Variants in GRM5 observed in about 807,000 individuals in gnomAD.
GRM5 encodes the protein glutamate metabotropic receptor 5, also known as metabotropic glutamate receptor 5.
A neutral mutation model predicts 83.1 loss-of-function variants in GRM5; 19 were observed. The observed-to-expected ratio is 0.23, with a 90% confidence interval of 0.16 to 0.34. GRM5 has a LOEUF of 0.34. Among genes scored for constraint, GRM5 ranks in the 10% least tolerant of loss-of-function variants. The pLI is 1.00. For missense variants in GRM5, 1,160 were observed against 1,588.3 expected (o/e 0.73, Z 4.58); for synonymous variants, 675 against 633.6 (o/e 1.07, Z -0.98).
intron 3 of GRM5, among the ~76,000 whole-genome samples, chr11:88,827,512 C>T (rs114491404): frequency 1.1e-4 from 17 of 152,330 alleles, no homozygotes; most frequent in African/African-American, 1.9e-4. Flanking sequence ...CCCCTGCTTA[C>T]GCCATTTTCA....
chr11:89,018,129 T>A (rs1940903264), intron 2 of GRM5, among the ~76,000 whole-genome samples: 1 of 152,162 alleles, frequency 6.6e-6, no homozygotes, highest in African/African-American at 2.4e-5. Flanking sequence ...GGCACATAAT[T>A]ATCTAATAAA....
chr11:88,839,585 C>G (rs536057550), intron 3 of GRM5, among the ~76,000 whole-genome samples: 94 of 152,192 alleles, frequency 6.2e-4, no homozygotes, highest in Non-Finnish European at 8.2e-4. Context: ...ATTTTGTTCA[C>G]CACTTAAACT....
At chr11:88,844,900 G>A (rs1944270898) in intron 3 of GRM5, among the ~76,000 whole-genome samples, 1 of 152,218 alleles carries the variant, frequency 6.6e-6, no homozygotes, top group African/African-American at 2.4e-5. Context: ...ATCTTAAATG[G>A]ATGAGGAATT....
Position 88,850,003 on chromosome 11 carries a change from G to A in GRM5, c.814C>T (p.Arg272Trp), listed in dbSNP as rs201502618. 1 of 1,613,472 alleles carries A rather than the reference G, an allele frequency of 6.2e-7. No homozygotes were observed. Among genetic ancestry groups the A allele is most frequent in the South Asian group, 1.1e-5 (1 of 91,066 alleles). ...CCCTCACAGAAGCAGGCCACCACCC[G>A]GGCCTTGGGCAAGTGACTTGTGAGC... ...KKLTSHLPKA[R>W]VVACFCEGMT... The change falls in exon 3 of 10, where the codon CGG becomes TGG. Residue 272 changes from arginine to tryptophan, a missense_variant. Physicochemically the swap from Arg to Trp is moderately radical, Grantham distance 101. Transcript: ENST00000305447.
At chr11:88,981,202 T>C (rs1445418342) in intron 2 of GRM5, among the ~76,000 whole-genome samples, 1 of 152,198 alleles carries the variant, frequency 6.6e-6, no homozygotes, top group Non-Finnish European at 1.5e-5. Context: ...TTCTATGCCA[T>C]ACACTTTGTT....
In GRM5 at chr11:88,962,491, T is replaced by C. The variant is rs375512177; in HGVS notation, c.661+84721A>G. On this transcript the variant is annotated intron_variant, in intron 2 of 9. Transcript: ENST00000305447. ...ATTTATTCCCTAACATATCTGTATATTGAAACCATTACCAATCTGTTGATT... is the reference window on the plus strand; with the variant it reads ...ATTTATTCCCTAACATATCTGTATACTGAAACCATTACCAATCTGTTGATT... 1.5e-4 allele frequency among the ~76,000 whole-genome samples: 23 copies of C among 152,330 alleles called. No individual in the cohort carries two copies. In the East Asian group the frequency reaches 4.0e-3, roughly 27 times the overall value.
At chr11:88,770,935 C>T (rs1378748274) in intron 3 of GRM5, among the ~76,000 whole-genome samples, 1 of 152,104 alleles carries the variant, frequency 6.6e-6, no homozygotes, top group East Asian at 1.9e-4. Flanking sequence ...TATTGCCACT[C>T]AGCAGTAGCC....
chr11:88,741,617 A>G (rs560640492), intron 3 of GRM5, among the ~76,000 whole-genome samples: 1 of 152,240 alleles, frequency 6.6e-6, no homozygotes, highest in South Asian at 2.1e-4. Flanking sequence ...GACATAATCT[A>G]TACTATAGTA....
At chr11:89,012,178 AGAG>A (rs139199600) in intron 2 of GRM5, among the ~76,000 whole-genome samples, 3,475 of 152,320 alleles carry the variant, frequency 0.023, 129 homozygotes, top group African/African-American at 0.079. Context: ...ATCGACAATC[AGAG>A]GAGAAGACAT....
chr11:88,692,632 T>C (rs1940808089), intron 3 of GRM5, among the ~76,000 whole-genome samples: 1 of 152,206 alleles, frequency 6.6e-6, no homozygotes, highest in African/African-American at 2.4e-5. Flanking sequence ...TCAGAAAAAC[T>C]GTCATGTTCA....
At chr11:88,719,677 C>T (rs1941487921) in intron 3 of GRM5, among the ~76,000 whole-genome samples, 1 of 152,022 alleles carries the variant, frequency 6.6e-6, no homozygotes, top group African/African-American at 2.4e-5. Context: ...TTTACACTCC[C>T]ACCAACAGTG....
chr11:88,636,033 CTTAG>C (rs1939110154), intron 4 of GRM5, among the ~76,000 whole-genome samples: 1 of 152,136 alleles, frequency 6.6e-6, no homozygotes. Flanking sequence ...CTCACTAGAA[CTTAG>C]TTTGTAAACA....
chr11:88,628,214 A>G (rs1259645088), intron 4 of GRM5, among the ~76,000 whole-genome samples: 4 of 152,286 alleles, frequency 2.6e-5, no homozygotes, highest in Middle Eastern at 3.4e-3. Context: ...GTCACATTTC[A>G]ACTATTTTCT....
At chr11:88,760,327 CT>C (rs1240555594) in intron 3 of GRM5, among the ~76,000 whole-genome samples, 2 of 67,876 alleles carry the variant, frequency 2.9e-5, no homozygotes, top group Admixed American at 1.4e-4. Flanking sequence ...GCTAGCTAGA[CT>C]AATAAAGAGA....
chr11:88,622,927 T>G (rs1196998828), intron 4 of GRM5, among the ~76,000 whole-genome samples: 1 of 152,176 alleles, frequency 6.6e-6, no homozygotes, highest in African/African-American at 2.4e-5. Flanking sequence ...TTATTGGATT[T>G]TTGTTAAAAG....
intron 2 of GRM5, among the ~76,000 whole-genome samples, chr11:88,923,494 T>G (rs1945728972): frequency 6.6e-6 from 1 of 152,136 alleles, no homozygotes; most frequent in African/African-American, 2.4e-5. Context: ...GGCAAAAAAT[T>G]GAAATAATTG....
intron 8 of GRM5, among the ~76,000 whole-genome samples, chr11:88,559,060 A>G (rs1164158759): frequency 6.6e-6 from 1 of 152,108 alleles, no homozygotes; most frequent in Non-Finnish European, 1.5e-5. Flanking sequence ...ATTATACATA[A>G]TAAAAATAAG....
chr11:88,737,110 G>C (rs891252339), intron 3 of GRM5, among the ~76,000 whole-genome samples: 1 of 152,086 alleles, frequency 6.6e-6, no homozygotes, highest in East Asian at 1.9e-4. Context: ...TGAGACCTAG[G>C]TGTACCTGCA....
intron 4 of GRM5, among the ~76,000 whole-genome samples, chr11:88,626,826 A>T (rs559671240): frequency 1.1e-4 from 16 of 152,320 alleles, no homozygotes; most frequent in Middle Eastern, 3.4e-3. Flanking sequence ...TACAAAAAAA[A>T]TTTGATTCAT....
Sources: gnomAD v4.1 joint callset for allele counts (sites outside exome capture counted in the v4.1 genomes callset) on GRCh38, gnomAD v4.1.1 for gene constraint, MANE v1.5 for transcripts, NCBI Gene and HGNC (gene_info 2026-07-23, HGNC 2026-07-21) for gene names.